The following GSG1 variants were observed in gnomAD, a reference collection of about 807,000 sequenced individuals.
The protein encoded by GSG1 is germ cell-specific gene 1 protein.
GSG1 carries 28 observed loss-of-function variants against 30.8 expected under a neutral mutation model. That is an observed-to-expected ratio of 0.91 (90% CI 0.67 to 1.25). The LOEUF is 1.25. Ranked by LOEUF, GSG1 falls within the 50% of genes most tolerant of loss-of-function variation. The probability of loss-of-function intolerance (pLI) is 0.00; values close to 1 mark genes in which losing one functional copy is unlikely to be tolerated. For synonymous variants in GSG1, 162 were observed against 178.0 expected (o/e 0.91, Z 0.71); for missense variants, 435 against 444.7 (o/e 0.98, Z 0.20).
intron 3 of GSG1, 75 bp downstream of exon 3, chr12:13,089,133 T>C: frequency 1.4e-6 from 2 of 1,438,928 alleles, no homozygotes; most frequent in Non-Finnish European, 1.9e-6. Flanking sequence ...GATGTTTCCA[T>C]GAGAGCACCT....
intron 2 of GSG1, among the ~76,000 whole-genome samples, chr12:13,090,060 AG>A (rs541065077): frequency 2.4e-4 from 36 of 152,326 alleles, no homozygotes; most frequent in African/African-American, 8.7e-4. Flanking sequence ...AAAAGAAAAA[AG>A]AAATGAAGTT....
chr12:13,093,644 T>C lies in GSG1; in HGVS notation c.49-2826A>G, dbSNP rs1173034650. Among the ~76,000 whole-genome samples, 1 of 151,984 alleles carries C rather than the reference T, an allele frequency of 6.6e-6. No homozygotes were observed. The highest frequency in any genetic ancestry group is 1.9e-4 in the East Asian group (1 of 5,170). On this transcript the variant is annotated intron_variant, in intron 1 of 6. Coordinates refer to ENST00000651961, the MANE Select transcript of GSG1 (RefSeq NM_001080555.4). This position sits in a 1 kb window ranked among gnomAD's most constrained non-coding sequence, Gnocchi z 4.6. ...TGTGTAGGCTGGACACCAGGTTTGG[T>C]GTCCACAGAGCCATGGGTAGGGTGT...
rs759568046 is a variant in GSG1 at position 13,088,888 on chromosome 12, A to G, written c.455T>C (p.Ile152Thr). ...TCTCTTGGCTGGTGGTGTAAGTTCA[A>G]TGAAACTTCGGCACCTCTCCCCTGA... Reference protein sequence around the residue: ...AAKGERCRSFIELTPPAKREI... With the variant: ...AAKGERCRSFTELTPPAKREI... Residue 152 changes from isoleucine (I) to threonine (T), a missense_variant, in exon 4 of 7, where the codon ATT becomes ACT. Ile to Thr is a moderately conservative substitution (Grantham distance 89, BLOSUM62 -1). Coordinates refer to ENST00000651961, the MANE Select transcript of GSG1 (RefSeq NM_001080555.4). 51 of 1,614,096 alleles carry G rather than the reference A, an allele frequency of 3.2e-5. No individual in the cohort carries two copies. Among genetic ancestry groups the G allele is most frequent in the East Asian group, 4.5e-5 (2 of 44,890 alleles).
At chr12:13,095,743 C>A in intron 1 of GSG1, 2 of 1,550,536 alleles carry the variant, frequency 1.3e-6, no homozygotes, top group South Asian at 2.4e-5. Context: ...CCTTCTATCT[C>A]ATATTCTTTG....
Position 13,103,497 on chromosome 12 carries a change from G to T in GSG1, c.16C>A (p.Gln6Lys), listed in dbSNP as rs1863367125. MSDPS[Q>K]LTQNVCLTQE... is the part of the protein sequence containing the mutation. ...GTGAGGCAAACATTTTGAGTCAGTT[G>T]AGAGGGATCGCTCATTCACTCTTGC... Residue 6 changes from glutamine (Q) to lysine (K), a missense_variant, in exon 1 of 7, where the codon CAA (glutamine) becomes AAA (lysine). Gln to Lys is a moderately conservative substitution (Grantham distance 53, BLOSUM62 1). Transcript: ENST00000651961. 2.5e-6 allele frequency: 4 copies of T among 1,613,980 alleles called. No homozygotes were observed. The East Asian group carries it at 8.9e-5, about 36-fold the overall frequency.
Position 13,088,322 on chromosome 12 carries a change from C to T in GSG1, c.482-263G>A, listed in dbSNP as rs180846503. Among the ~76,000 whole-genome samples, 4 of 152,274 alleles carry T rather than the reference C, an allele frequency of 2.6e-5. No homozygotes were observed. In the East Asian group the frequency reaches 5.8e-4, roughly 22 times the overall value. On this transcript the variant is annotated intron_variant, in intron 4 of 6. Transcript: ENST00000651961. ...TTGGGGAGATTTGAGAAGAAATCAT[C>T]GAATTTTCATAAATCCTGCAGGGAA...
intron 1 of GSG1, 89 bp downstream of exon 1, chr12:13,103,376 T>C (rs1462216955): frequency 8.5e-6 from 8 of 945,350 alleles, no homozygotes; most frequent in Admixed American, 1.7e-5. Context: ...ATACATGAAA[T>C]TGATGAGTTA....
intron 1 of GSG1, among the ~76,000 whole-genome samples, chr12:13,091,848 G>A (rs1206635045): frequency 6.6e-6 from 1 of 152,242 alleles, no homozygotes; most frequent in East Asian, 1.9e-4. Flanking sequence ...CACGTCACGT[G>A]AAACTACGAT....
In GSG1 at chr12:13,099,750, GTT is replaced by G. The variant is rs57762367; in HGVS notation, c.48+3713_48+3714del. On this transcript the variant is annotated intron_variant, in intron 1 of 6. Transcript: ENST00000651961. ...GCTAAGGGATCCGGTGTTTTTTTTT[GTT>G]TTTTTTTTTTTTTTTTGTTTTTTCT... 4.9e-3 allele frequency among the ~76,000 whole-genome samples: 566 copies of G among 114,800 alleles called. 1 individual carries two copies. Among genetic ancestry groups the G allele is most frequent in the African/African-American group, 0.016 (509 of 32,256 alleles). The allele number at this position is 114,800 out of a possible 152,430, so 75.3% of individuals were successfully genotyped here. A position where few individuals can be genotyped will look rare whatever the true frequency, so the allele number is the denominator to read the frequency against.
intron 1 of GSG1, 85 bp downstream of exon 1, chr12:13,103,380 T>C: frequency 1.0e-6 from 1 of 960,924 alleles, no homozygotes. Flanking sequence ...ATGAAATTGA[T>C]GAGTTAGTGT....
intron 1 of GSG1, among the ~76,000 whole-genome samples, chr12:13,099,858 A>C (rs1863067844): frequency 6.7e-6 from 1 of 148,300 alleles, no homozygotes; most frequent in African/African-American, 2.5e-5. Flanking sequence ...CCCAGGAGCT[A>C]GATTTCTGAC....
At chr12:13,092,361 C>T (rs1866234405) in intron 1 of GSG1, among the ~76,000 whole-genome samples, 1 of 152,122 alleles carries the variant, frequency 6.6e-6, no homozygotes, top group African/African-American at 2.4e-5. Flanking sequence ...AGTTCTTGGA[C>T]CAGCAGATTG....
At position 13,101,302 on chromosome 12, in the gene GSG1, C is replaced by T. The variant is rs1863179176; in HGVS notation, c.48+2163G>A. Among the ~76,000 whole-genome samples, 1 of 152,152 alleles carries T rather than the reference C, an allele frequency of 6.6e-6. No homozygotes were observed. The highest frequency in any genetic ancestry group is 1.5e-5 in the Non-Finnish European group (1 of 68,018). ...CGTCTCTCCCGTTTACTACGGCGCC[C>T]GGTCGCCTAGCAGCGGGGCGCGTTG... On this transcript the variant is annotated intron_variant, in intron 1 of 6. Coordinates refer to ENST00000651961, the MANE Select transcript of GSG1 (RefSeq NM_001080555.4). The surrounding 1 kb of genome is among the most constrained non-coding windows in gnomAD (Gnocchi z 5.8).
chr12:13,102,800 A>G (rs1863309592), intron 1 of GSG1, among the ~76,000 whole-genome samples: 1 of 152,234 alleles, frequency 6.6e-6, no homozygotes, highest in Non-Finnish European at 1.5e-5. Flanking sequence ...TAATCCTTAG[A>G]GCTGAAAGTT....
At chr12:13,100,917 C>T (rs1476756221) in intron 1 of GSG1, among the ~76,000 whole-genome samples, 2 of 152,198 alleles carry the variant, frequency 1.3e-5, no homozygotes, top group African/African-American at 2.4e-5. Flanking sequence ...TTTGGGAACA[C>T]TTCAATTCAG....
intron 1 of GSG1, among the ~76,000 whole-genome samples, chr12:13,098,876 CA>C (rs1419797214): frequency 6.6e-6 from 1 of 152,168 alleles, no homozygotes; most frequent in African/African-American, 2.4e-5. Context: ...TGAGGAGGCT[CA>C]GGGGTGGATT....
At chr12:13,095,893 G>A in intron 1 of GSG1, 1 of 968,552 alleles carries the variant, frequency 1.0e-6, no homozygotes. Context: ...AAAGAAGCAA[G>A]GACCTGCAAT....
At chr12:13,086,670 A>G (rs542147202) in intron 6 of GSG1, among the ~76,000 whole-genome samples, 140 of 152,282 alleles carry the variant, frequency 9.2e-4, no homozygotes, top group Middle Eastern at 3.4e-3. Flanking sequence ...TATTTCCAAC[A>G]CGGTTCAGTA....
At chr12:13,095,847 CA>C in intron 1 of GSG1, 2 of 1,391,222 alleles carry the variant, frequency 1.4e-6, no homozygotes, top group South Asian at 3.0e-5. Flanking sequence ...GAGATTACAC[CA>C]GAGAGCTTGC....
Sources: allele counts gnomAD v4.1 joint callset (sites outside exome capture counted in the v4.1 genomes callset), GRCh38; gene constraint gnomAD v4.1.1; non-coding constraint Gnocchi (gnomAD v3.1); transcripts MANE v1.5; gene names NCBI Gene and HGNC (gene_info 2026-07-23, HGNC 2026-07-21).